Variants in INSR observed in about 807,000 individuals in gnomAD.
INSR encodes IR.
A neutral mutation model predicts 142.6 loss-of-function variants in INSR; 67 were observed. The observed-to-expected ratio is 0.47, with a 90% CI of 0.39 to 0.58. INSR has a LOEUF of 0.58. Among genes scored for constraint, INSR ranks in the 20% least tolerant of loss-of-function variants. The pLI is 0.00. For missense variants in INSR, 1,248 were observed against 1,833.2 expected (o/e 0.68, Z 5.83); for synonymous variants, 756 against 743.1 (o/e 1.02, Z -0.28).
intron 7 of INSR, 98 bp downstream of exon 7, chr19:7,167,870 G>C: frequency 6.9e-7 from 1 of 1,458,534 alleles, no homozygotes; most frequent in East Asian, 2.3e-5. Flanking sequence ...GAGGGAGATA[G>C]ACAGGAACCC....
At position 7,168,042 on chromosome 19, in the gene INSR, G is replaced by T. The variant is rs1599937292; in HGVS notation, c.1536C>A (p.Ile512=). ...GCCAGTACGGCTCCCATCTCAGCAAGATCTTGTCAAAAGATGTCCGAATGT... is the reference window on the plus strand; with the variant it reads ...GCCAGTACGGCTCCCATCTCAGCAATATCTTGTCAAAAGATGTCCGAATGT... ...FSYIRTSFDK[I]LLRWEPYWPP... Residue 512 remains isoleucine, a synonymous_variant, in exon 7 of 22, where the codon ATC becomes ATA. Transcript: ENST00000302850. This position sits in a 1 kb window ranked among gnomAD's most constrained non-coding sequence, Gnocchi z 4.3. The T allele has an allele frequency of 6.2e-7, 1 of 1,614,060 alleles. No individual in the cohort carries two copies. The highest frequency in any genetic ancestry group is 8.5e-7 in the Non-Finnish European group (1 of 1,179,968).
chr19:7,165,075 G>A (rs1369635105), intron 8 of INSR, among the ~76,000 whole-genome samples: 1 of 152,032 alleles, frequency 6.6e-6, no homozygotes, highest in Admixed American at 6.6e-5. Context: ...ACAGTGAGCT[G>A]AGATCACACC....
At position 7,125,634 on chromosome 19, in the gene INSR, G is replaced by T. The variant is rs1015504385; in HGVS notation, c.3014-107C>A. The T allele has an allele frequency of 6.8e-7, 1 of 1,462,896 alleles. No homozygotes were observed. The highest frequency in any genetic ancestry group is 9.4e-7 in the Non-Finnish European group (1 of 1,061,246). 90.6% of individuals were successfully genotyped at this position (1,462,896 alleles called of 1,614,324 possible). On this transcript the variant is annotated intron_variant, in intron 16 of 21. Coordinates refer to ENST00000302850, the MANE Select transcript of INSR (RefSeq NM_000208.4). The surrounding 1 kb of genome is among the most constrained non-coding windows in gnomAD (Gnocchi z 4.9). ...ACCCCCTCGAAAACACTCATGAAAT[G>T]AGTTCTGTGATCCAGGACCCATGCC... is the stretch of plus-strand genomic sequence containing the variant.
At chr19:7,178,222 T>G (rs943794164) in intron 3 of INSR, among the ~76,000 whole-genome samples, 1 of 106,874 alleles carries the variant, frequency 9.4e-6, no homozygotes, top group African/African-American at 3.9e-5. Flanking sequence ...TTAGGAGTGT[T>G]AGGAATGTCG....
At chr19:7,290,740 C>G (rs1380991539) in intron 1 of INSR, among the ~76,000 whole-genome samples, 2 of 135,828 alleles carry the variant, frequency 1.5e-5, no homozygotes, top group African/African-American at 5.6e-5. Context: ...CACTCCAGCC[C>G]GGGTGACAGA....
At chr19:7,282,985 A>AATAAT in intron 1 of INSR, among the ~76,000 whole-genome samples, 1 of 147,558 alleles carries the variant, frequency 6.8e-6, no homozygotes, top group African/African-American at 2.5e-5. Context: ...AAAAAGTAAT[A>AATAAT]ATAATAATAA....
In INSR at chr19:7,246,909, T is replaced by TGAGAGCCCTGTGTTGCCCCAGTTAACACA. The variant is rs1190921910; in HGVS notation, c.652+20435_652+20436insTGTGTTAACTGGGGCAACACAGGGCTCTC. 6.5e-4 allele frequency among the ~76,000 whole-genome samples: 94 copies of TGAGAGCCCTGTGTTGCCCCAGTTAACACA among 145,222 alleles called. 4 individuals carry two copies. Among genetic ancestry groups the TGAGAGCCCTGTGTTGCCCCAGTTAACACA allele is most frequent in the African/African-American group, 2.3e-3 (80 of 34,958 alleles). On this transcript the variant is annotated intron_variant, in intron 2 of 21. Transcript: ENST00000302850. ...ACAGCAAAAGCTAGCTGATACAAGC[T>TGAGAGCCCTGTGTTGCCCCAGTTAACACA]CCATGAATGAACTTGGATACAAGTT...
intron 2 of INSR, among the ~76,000 whole-genome samples, chr19:7,212,393 G>A (rs935989395): frequency 1.3e-5 from 2 of 152,072 alleles, no homozygotes; most frequent in South Asian, 4.2e-4. Flanking sequence ...CAAGCCCTGC[G>A]ATTCCCGCTC....
chr19:7,252,526 G>A (rs1976759384), intron 2 of INSR, among the ~76,000 whole-genome samples: 1 of 152,172 alleles, frequency 6.6e-6, no homozygotes, highest in African/African-American at 2.4e-5. Flanking sequence ...CAATGAGGCA[G>A]CCTGGGACAA....
At chr19:7,145,647 A>C (rs1973168490) in intron 11 of INSR, among the ~76,000 whole-genome samples, 1 of 152,218 alleles carries the variant, frequency 6.6e-6, no homozygotes, top group Non-Finnish European at 1.5e-5. Flanking sequence ...ATGATGTGTA[A>C]ACAAGTGGGT....
chr19:7,194,375 C>T (rs1412113078), intron 2 of INSR, among the ~76,000 whole-genome samples: 1 of 151,890 alleles, frequency 6.6e-6, no homozygotes, highest in East Asian at 1.9e-4. Context: ...CAAGATCGTG[C>T]CACTGCACTC....
Position 7,163,049 on chromosome 19 carries a change from A to C in INSR, c.2012T>G (p.Leu671Arg). ...GCACTCACCTTTGAGGCAATAATCCAGCTCGAACAGCTCACTGTCTTCCGC... is the reference window on the plus strand; with the variant it reads ...GCACTCACCTTTGAGGCAATAATCCCGCTCGAACAGCTCACTGTCTTCCGC... Reference protein sequence around the residue: ...RQAEDSELFELDYCLKGLKLP... With the variant: ...RQAEDSELFERDYCLKGLKLP... The change falls in exon 9 of 22, where the codon CTG (leucine) becomes CGG (arginine). Residue 671 changes from leucine (L) to arginine (R), a missense_variant. Leu to Arg is a moderately radical substitution (Grantham distance 102). Around this residue, in one of 3 missense-constraint regions of INSR, gnomAD observed 1,069 missense variants for 1,654.0 expected, o/e 0.65. Transcript: ENST00000302850. 1 of 1,613,604 alleles carries C rather than the reference A, an allele frequency of 6.2e-7. No homozygotes were observed. The highest frequency in any genetic ancestry group is 8.5e-7 in the Non-Finnish European group (1 of 1,179,946).
At position 7,192,751 on chromosome 19, in the gene INSR, G is replaced by A. The variant is rs758685270; in HGVS notation, c.653-8114C>T. Among the ~76,000 whole-genome samples the A allele has an allele frequency of 2.6e-5, 4 of 152,168 alleles. No homozygotes were observed. The highest frequency in any genetic ancestry group is 5.9e-5 in the Non-Finnish European group (4 of 68,048). On this transcript the variant is annotated intron_variant, in intron 2 of 21. Coordinates refer to ENST00000302850, the MANE Select transcript of INSR (RefSeq NM_000208.4). The surrounding 1 kb of genome is among the most constrained non-coding windows in gnomAD (Gnocchi z 4.2). ...GTCCATCCGCTGTCTCCCCTTCAAA[G>A]CCACATTGAGCTGCTGGTCCCAATT...
chr19:7,138,463 C>A lies in INSR; in HGVS notation c.2682+3214G>T, dbSNP rs375548496. ...AGTCACAGCCCACTATAACCTGGAG[C>A]TCCTGAGCTCAAGCAATTCTCTCCT... On this transcript the variant is annotated intron_variant, in intron 13 of 21. Coordinates refer to ENST00000302850, the MANE Select transcript of INSR (RefSeq NM_000208.4). Among the ~76,000 whole-genome samples, 3 of 152,244 alleles carry A rather than the reference C, an allele frequency of 2.0e-5. No individual in the cohort carries two copies. In the East Asian group the frequency reaches 5.8e-4, roughly 29 times the overall value.
In INSR at chr19:7,116,425, C is replaced by T. The variant is rs1480782348; in HGVS notation, c.*631G>A. ...TCTAATGGACACACACACGTGCATACACACGTGAGCACACGCCGGGACCAC... is the reference window on the plus strand; with the variant it reads ...TCTAATGGACACACACACGTGCATATACACGTGAGCACACGCCGGGACCAC... On this transcript the variant is annotated 3_prime_UTR_variant, in exon 22 of 22. Transcript: ENST00000302850. 6.6e-6 allele frequency: 1 copy of T among 152,050 alleles called. No individual in the cohort carries two copies. Among genetic ancestry groups the T allele is most frequent in the East Asian group, 1.9e-4 (1 of 5,148 alleles). 9.4% of individuals were successfully genotyped at this position (152,050 alleles called of 1,614,324 possible).
At chr19:7,269,871 CT>C (rs111632166) in intron 1 of INSR, among the ~76,000 whole-genome samples, 19,499 of 151,990 alleles carry the variant, frequency 0.13, 1,382 homozygotes, top group Middle Eastern at 0.19. Context: ...GCAATAATAC[CT>C]TTTTGAGGAT....
chr19:7,229,392 G>A (rs1178959495), intron 2 of INSR, among the ~76,000 whole-genome samples: 3 of 151,872 alleles, frequency 2.0e-5, no homozygotes, highest in Non-Finnish European at 4.4e-5. Flanking sequence ...ATGAGCAAGG[G>A]AGTGATAGAT....
intron 2 of INSR, among the ~76,000 whole-genome samples, chr19:7,245,377 G>A (rs1976510124): frequency 6.6e-6 from 1 of 152,144 alleles, no homozygotes; most frequent in Non-Finnish European, 1.5e-5. Flanking sequence ...TGAGCTTGTA[G>A]TCCCAGCAAC....
At chr19:7,134,205 G>T (rs1348752179) in intron 13 of INSR, among the ~76,000 whole-genome samples, 1 of 152,038 alleles carries the variant, frequency 6.6e-6, no homozygotes, top group South Asian at 2.1e-4. Flanking sequence ...TAAAAAGAAA[G>T]AAACTAAAAA....
Sources: gnomAD v4.1 joint callset for allele counts (sites outside exome capture counted in the v4.1 genomes callset) on GRCh38, gnomAD v4.1.1 for gene constraint, gnomAD v4.1.1 regional missense constraint, Gnocchi (gnomAD v3.1) non-coding constraint, MANE v1.5 for transcripts, NCBI Gene and HGNC (gene_info 2026-07-23, HGNC 2026-07-21) for gene names.